PARD3: variants seen among roughly 807,000 people sequenced by gnomAD.
PARD3 encodes the protein par-3 family cell polarity regulator.
PARD3 carries 75 observed loss-of-function variants against 155.4 expected under a neutral mutation model. The observed-to-expected ratio is 0.48, with a 90% CI of 0.40 to 0.58. The LOEUF (loss-of-function observed/expected upper bound fraction) is 0.58, where lower values mean the gene tolerates loss of function less well. Among genes scored for constraint, PARD3 ranks in the 20% least tolerant of loss-of-function variants. The pLI is 0.00. For synonymous variants in PARD3, 576 were observed against 610.5 expected (o/e 0.94, Z 0.83); for missense variants, 1,642 against 1,721.7 (o/e 0.95, Z 0.82).
At chr10:34,250,905 TA>T (rs1471675552) in intron 22 of PARD3, among the ~76,000 whole-genome samples, 1 of 152,190 alleles carries the variant, frequency 6.6e-6, no homozygotes, top group Admixed American at 6.5e-5. Context: ...AGTTCTCTCT[TA>T]AGAGTGAGAA....
Position 34,322,202 on chromosome 10 carries a change from G to C in PARD3, c.2834-4864C>G, listed in dbSNP as rs79277181. Among the ~76,000 whole-genome samples, 7 of 152,242 alleles carry C rather than the reference G, an allele frequency of 4.6e-5. No individual in the cohort carries two copies. The East Asian group carries it at 1.4e-3, about 29-fold the overall frequency. On this transcript the variant is annotated intron_variant, in intron 19 of 24. Transcript: ENST00000374788. The stretch of plus-strand genomic sequence containing the variant: ...CTCAATGGACATATCCATGCTTAGG[G>C]AGAGGGCTCATTCCCTTCTGTTAGA...
chr10:34,700,265 C>T (rs1274994142), intron 1 of PARD3, among the ~76,000 whole-genome samples: 3 of 152,114 alleles, frequency 2.0e-5, no homozygotes, highest in Non-Finnish European at 2.9e-5. Context: ...ATCAACTTCA[C>T]CTTGCCTAGT....
Position 34,216,393 on chromosome 10 carries a change from C to T in PARD3, c.3419+53264G>A, listed in dbSNP as rs188557348. Among the ~76,000 whole-genome samples the T allele has an allele frequency of 6.6e-5, 10 of 152,278 alleles. No homozygotes were observed. The East Asian group carries it at 1.2e-3, about 18-fold the overall frequency. On this transcript the variant is annotated intron_variant, in intron 22 of 24. Transcript: ENST00000374788. ...GCAAATATGTTGCTTGGATTTTAGC[C>T]GTCTTAAACACTGCAAGCGGCTTAA...
chr10:34,610,984 C>A (rs1198692358), intron 2 of PARD3, among the ~76,000 whole-genome samples: 2 of 152,090 alleles, frequency 1.3e-5, no homozygotes, highest in Non-Finnish European at 1.5e-5. Context: ...CATGCAATGA[C>A]AGAAAAAGTA....
intron 3 of PARD3, among the ~76,000 whole-genome samples, chr10:34,494,610 T>C (rs150309145): frequency 1.3e-3 from 195 of 152,308 alleles, no homozygotes; most frequent in African/African-American, 4.5e-3. Context: ...AGGAAAATCT[T>C]TCTGAGCATG....
intron 12 of PARD3, among the ~76,000 whole-genome samples, chr10:34,369,449 T>C (rs528564134): frequency 1.7e-4 from 26 of 152,240 alleles, no homozygotes; most frequent in African/African-American, 5.5e-4. Context: ...TGGACGTGCC[T>C]GAACTAAGTC....
chr10:34,210,102 A>T (rs1951668046), intron 22 of PARD3, among the ~76,000 whole-genome samples: 1 of 152,204 alleles, frequency 6.6e-6, no homozygotes, highest in African/African-American at 2.4e-5. Context: ...GTCTTTATGA[A>T]ATGTGCTCAA....
intron 2 of PARD3, among the ~76,000 whole-genome samples, chr10:34,640,367 A>G (rs1310826837): frequency 6.6e-6 from 1 of 152,194 alleles, no homozygotes; most frequent in Admixed American, 6.5e-5. Context: ...CTGTAATACC[A>G]GTACTTTGGG....
chr10:34,554,392 C>A (rs1430034682), intron 2 of PARD3, among the ~76,000 whole-genome samples: 1 of 152,122 alleles, frequency 6.6e-6, no homozygotes, highest in Non-Finnish European at 1.5e-5. Context: ...GAAGTGTTGA[C>A]AAATGCTTTC....
chr10:34,451,341 T>A (rs868717575), intron 4 of PARD3, among the ~76,000 whole-genome samples: 1 of 152,230 alleles, frequency 6.6e-6, no homozygotes, highest in Middle Eastern at 3.4e-3. Context: ...TTCAGTTGGA[T>A]CCACTTAACT....
intron 1 of PARD3, among the ~76,000 whole-genome samples, chr10:34,737,654 C>T (rs530074955): frequency 6.6e-6 from 1 of 152,304 alleles, no homozygotes; most frequent in African/African-American, 2.4e-5. Context: ...GGCTCCCCCA[C>T]CACGTGAGTG....
In PARD3 at chr10:34,399,420, G is replaced by C; in HGVS notation, c.807-7C>G. 3 of 1,580,990 alleles carry C rather than the reference G, an allele frequency of 1.9e-6. No homozygotes were observed. Among genetic ancestry groups the C allele is most frequent in the Non-Finnish European group, 2.6e-6 (3 of 1,150,032 alleles). On this transcript the variant is annotated splice_polypyrimidine_tract_variant and splice_region_variant and intron_variant, in intron 6 of 24. Transcript: ENST00000374788. ...TACGAGCTTTACCATATCACTGTGAGACAATGATGAATGAGGGAGCATGAA... is the reference window on the plus strand; with the variant it reads ...TACGAGCTTTACCATATCACTGTGACACAATGATGAATGAGGGAGCATGAA...
At chr10:34,118,506 A>ATTTTTTTTATTTTT (rs1946805309) in intron 24 of PARD3, among the ~76,000 whole-genome samples, 1 of 152,064 alleles carries the variant, frequency 6.6e-6, no homozygotes, top group Non-Finnish European at 1.5e-5. Flanking sequence ...CACCAAGCCC[A>ATTTTTTTTATTTTT]GCTAATTTTT....
At chr10:34,561,527 A>ATT (rs1475007259) in intron 2 of PARD3, among the ~76,000 whole-genome samples, 61 of 150,536 alleles carry the variant, frequency 4.1e-4, no homozygotes, top group African/African-American at 1.4e-3. Context: ...TAATTTATTT[A>ATT]TTTTTTTTTG....
intron 22 of PARD3, among the ~76,000 whole-genome samples, chr10:34,187,455 T>C (rs1204697356): frequency 1.3e-5 from 2 of 152,174 alleles, no homozygotes; most frequent in Non-Finnish European, 2.9e-5. Flanking sequence ...CCATTCCTAG[T>C]GGTGATTAAT....
chr10:34,684,336 A>G (rs1302546181), intron 2 of PARD3, among the ~76,000 whole-genome samples: 1 of 152,212 alleles, frequency 6.6e-6, no homozygotes, highest in East Asian at 1.9e-4. Flanking sequence ...GTTAGATTAT[A>G]TTTGGTACAT....
intron 2 of PARD3, among the ~76,000 whole-genome samples, chr10:34,671,244 T>C (rs961704220): frequency 2.0e-5 from 3 of 152,200 alleles, no homozygotes; most frequent in African/African-American, 7.2e-5. Context: ...TATAAAGAAA[T>C]AGTTAACTGC....
At chr10:34,491,146 T>C (rs1178534675) in intron 3 of PARD3, among the ~76,000 whole-genome samples, 1 of 152,208 alleles carries the variant, frequency 6.6e-6, no homozygotes, top group Non-Finnish European at 1.5e-5. Context: ...ATTCAGCTCC[T>C]CAGTTACCCT....
intron 3 of PARD3, among the ~76,000 whole-genome samples, chr10:34,480,676 T>C (rs756285333): frequency 1.3e-5 from 2 of 152,208 alleles, no homozygotes; most frequent in African/African-American, 4.8e-5. Flanking sequence ...GGCTAAGATA[T>C]ATCAGTCAGG....
Sources: gnomAD v4.1 joint callset for allele counts (sites outside exome capture counted in the v4.1 genomes callset) on GRCh38, gnomAD v4.1.1 for gene constraint, MANE v1.5 for transcripts, NCBI Gene and HGNC (gene_info 2026-07-23, HGNC 2026-07-21) for gene names.